The following PGBD1 variants were observed in gnomAD, a reference collection of about 807,000 sequenced individuals.
The protein encoded by PGBD1 is piggyBac transposable element derived 1.
In PGBD1, 25 loss-of-function variants were observed where a neutral mutation model predicts 34.7. That is an observed-to-expected ratio of 0.72 (90% CI 0.52 to 1.00). The LOEUF (loss-of-function observed/expected upper bound fraction) is 1.00. Ranked by LOEUF, PGBD1 falls within the 50% of genes least tolerant of loss-of-function variation. PGBD1 has a pLI of 0.00. For missense variants in PGBD1, 830 were observed against 959.4 expected (o/e 0.87, Z 1.78); for synonymous variants, 292 against 335.7 (o/e 0.87, Z 1.42).
chr6:28,297,959 A>G lies in PGBD1; in HGVS notation c.837A>G (p.Glu279=), dbSNP rs1448555984. Residue 279 remains glutamate, a synonymous_variant, in exon 6 of 7, where the codon GAA becomes GAG. Transcript: ENST00000682144. ...AGCAAGAAACTTCTGAAGAAATGGA[A>G]CAAAGTGGAGAAGCCTCAGGAAAGC... ...KAKQETSEEM[E]QSGEASGKPN... The G allele has an allele frequency of 6.2e-7, 1 of 1,611,726 alleles. No homozygotes were observed.
intron 4 of PGBD1, among the ~76,000 whole-genome samples, chr6:28,296,248 G>T (rs1762626882): frequency 6.6e-6 from 1 of 152,150 alleles, no homozygotes; most frequent in African/African-American, 2.4e-5. Context: ...CTGTTAAAAG[G>T]AGTCTCAAAA....
At chr6:28,285,348 G>A (rs1436636146) in intron 2 of PGBD1, among the ~76,000 whole-genome samples, 3 of 152,146 alleles carry the variant, frequency 2.0e-5, no homozygotes. Context: ...TTGAGGTGGT[G>A]TACATATCCT....
intron 4 of PGBD1, among the ~76,000 whole-genome samples, 172 bp from the exon 5 acceptor site, chr6:28,296,644 G>T (rs1286862803): frequency 6.6e-6 from 1 of 152,190 alleles, no homozygotes; most frequent in Admixed American, 6.5e-5. Flanking sequence ...AATGGCATCG[G>T]CTTGAGGTGG....
chr6:28,293,021 C>T (rs1762511495), intron 4 of PGBD1, among the ~76,000 whole-genome samples: 1 of 152,168 alleles, frequency 6.6e-6, no homozygotes, highest in South Asian at 2.1e-4. Context: ...CAGCTCACTG[C>T]AACCTCTGGC....
In PGBD1 at chr6:28,300,842, TC is replaced by T. The variant is rs751515769; in HGVS notation, c.991del (p.Leu331TrpfsTer20). 34 of 1,613,846 alleles carry T rather than the reference TC, an allele frequency of 2.1e-5. No individual in the cohort carries two copies. The African/African-American group carries it at 4.5e-4, about 22-fold the overall frequency. On this transcript the variant is annotated frameshift_variant, in exon 7 of 7. Transcript: ENST00000682144. LOFTEE classifies it low-confidence loss of function (END_TRUNC). This position sits in a 1 kb window ranked among gnomAD's most constrained non-coding sequence, Gnocchi z 4.0. The part of the protein sequence containing the change: ...GDLWARMHIS[S>X]LEYAAGDITR... ...TTTGTGGGCCCGCATGCACATCTCA[TC>T]CCTGGAATATGCTGCAGGAGACATT... is the stretch of plus-strand genomic sequence containing the variant.
chr6:28,281,593 G>A lies in PGBD1; in HGVS notation c.-364G>A, dbSNP rs1412029577. 1 of 386,238 alleles carries A rather than the reference G, an allele frequency of 2.6e-6. No individual in the cohort carries two copies. Among genetic ancestry groups the A allele is most frequent in the Non-Finnish European group, 4.6e-6 (1 of 218,964 alleles). The allele number at this position is 386,238 out of a possible 1,614,324, so 23.9% of individuals were successfully genotyped here. ...TTTTGTACCCGCCCAGCTGCTGGAG[G>A]CGCCGGCAGCGCCCGCCAGACCCGC... On this transcript the variant is annotated 5_prime_UTR_variant, in exon 1 of 7. Transcript: ENST00000682144.
At chr6:28,287,806 A>G (rs1419782833) in intron 4 of PGBD1, among the ~76,000 whole-genome samples, 2 of 152,194 alleles carry the variant, frequency 1.3e-5, no homozygotes, top group African/African-American at 2.4e-5. Context: ...TTTTAATTCT[A>G]TCAGACCCAG....
chr6:28,288,568 A>C (rs1027243838), intron 4 of PGBD1, among the ~76,000 whole-genome samples: 2 of 152,184 alleles, frequency 1.3e-5, no homozygotes, highest in African/African-American at 2.4e-5. Context: ...CAAAGAAATA[A>C]CAATAGGCCG....
chr6:28,301,225 G>A lies in PGBD1; in HGVS notation c.1371G>A (p.Met457Ile), dbSNP rs1762828722. ...NVSLEVTVQEMRCVFGVLLLS... is the reference protein window; with the variant it reads ...NVSLEVTVQEIRCVFGVLLLS... ...GCTTGGAAGTCACAGTTCAGGAAAT[G>A]AGGTGTGTGTTTGGTGTCTTACTTT... Residue 457 changes from methionine (M) to isoleucine (I), a missense_variant, in exon 7 of 7, where the codon ATG (methionine) becomes ATA (isoleucine). By Grantham distance (10) the Met-to-Ile change is conservative (BLOSUM62 1). Around this residue, in one of 3 missense-constraint regions of PGBD1, gnomAD observed 372 missense variants for 427.9 expected, o/e 0.87. Coordinates refer to ENST00000682144, the MANE Select transcript of PGBD1 (RefSeq NM_032507.4). 1.9e-6 allele frequency: 3 copies of A among 1,614,186 alleles called. No homozygotes were observed. The East Asian group carries it at 6.7e-5, about 36-fold the overall frequency.
intron 4 of PGBD1, among the ~76,000 whole-genome samples, chr6:28,293,185 C>T (rs1762520629): frequency 6.6e-6 from 1 of 152,166 alleles, no homozygotes; most frequent in African/African-American, 2.4e-5. Context: ...TAGTGATGTG[C>T]CCACCTTGGC....
intron 4 of PGBD1, among the ~76,000 whole-genome samples, chr6:28,288,650 G>A (rs924333411): frequency 4.6e-5 from 7 of 152,056 alleles, no homozygotes; most frequent in African/African-American, 1.7e-4. Flanking sequence ...GAGGCCAGGA[G>A]TTTGAGACCA....
At chr6:28,293,032 T>C (rs1183845262) in intron 4 of PGBD1, among the ~76,000 whole-genome samples, 1 of 152,206 alleles carries the variant, frequency 6.6e-6, no homozygotes, top group Non-Finnish European at 1.5e-5. Flanking sequence ...AACCTCTGGC[T>C]CCCTGGTTCA....
At chr6:28,286,842 C>T (rs1487283587) in intron 3 of PGBD1, among the ~76,000 whole-genome samples, 1 of 151,990 alleles carries the variant, frequency 6.6e-6, no homozygotes. Context: ...TGTAAAGCAC[C>T]TTATGAGTTC....
chr6:28,285,849 C>A, intron 3 of PGBD1, 142 bp downstream of exon 3: 1 of 836,938 alleles, frequency 1.2e-6, no homozygotes, highest in Non-Finnish European at 1.8e-6. Context: ...TTTTATGTGT[C>A]TGTGGTAAGA....
chr6:28,298,316 C>G (rs1409661019), intron 6 of PGBD1, among the ~76,000 whole-genome samples: 2 of 151,970 alleles, frequency 1.3e-5, no homozygotes, highest in Admixed American at 6.6e-5. Flanking sequence ...GATAATTTAA[C>G]AAGAATGAGG....
Position 28,283,886 on chromosome 6 carries a change from A to G in PGBD1, c.73A>G (p.Thr25Ala), listed in dbSNP as rs114108814. The stretch of plus-strand genomic sequence containing the variant: ...TGTGAAAGTGAAGGAGGAAGATCCC[A>G]CCTGGGAGCAGGTGTGCAACTCACA... ...GLVKVKEEDP[T>A]WEQVCNSQEG... The change falls in exon 2 of 7, where the codon ACC becomes GCC. Residue 25 changes from threonine (T) to alanine (A), a missense_variant. By Grantham distance (58) the Thr-to-Ala change is moderately conservative (BLOSUM62 0). Transcript: ENST00000682144. 4.5e-4 allele frequency: 726 copies of G among 1,613,384 alleles called. 7 individuals are homozygous for G. The African/African-American group carries it at 8.9e-3, about 20-fold the overall frequency.
chr6:28,300,980 G>C lies in PGBD1; in HGVS notation c.1126G>C (p.Ala376Pro). 1 of 1,614,128 alleles carries C rather than the reference G, an allele frequency of 6.2e-7. No homozygotes were observed. The highest frequency in any genetic ancestry group is 8.5e-7 in the Non-Finnish European group (1 of 1,180,034). Reference protein sequence around the residue: ...EKDNEPEIQPAQKKLKVSCFP... With the variant: ...EKDNEPEIQPPQKKLKVSCFP... ...AGATAATGAGCCTGAGATCCAGCCT[G>C]CTCAAAAGAAGTTAAAGGTATCATG... The change falls in exon 7 of 7, where the codon GCT (alanine) becomes CCT (proline). Residue 376 changes from alanine (A) to proline (P), a missense_variant. Ala to Pro is a conservative substitution (Grantham distance 27). Coordinates refer to ENST00000682144, the MANE Select transcript of PGBD1 (RefSeq NM_032507.4). This position sits in a 1 kb window ranked among gnomAD's most constrained non-coding sequence, Gnocchi z 4.0.
chr6:28,287,209 T>C, intron 4 of PGBD1, 41 bp downstream of exon 4: 1 of 1,486,934 alleles, frequency 6.7e-7, no homozygotes, highest in African/African-American at 1.4e-5. Context: ...TCAGTAGTGG[T>C]CTTTCTCCCT....
rs1762876613 is a variant in PGBD1 at position 28,302,416 on chromosome 6, A to G, written c.*132A>G. 1.0e-6 allele frequency: 1 copy of G among 953,992 alleles called. No individual in the cohort carries two copies. Among genetic ancestry groups the G allele is most frequent in the East Asian group, 2.7e-5 (1 of 37,296 alleles). The allele number at this position is 953,992 out of a possible 1,614,324, so 59.1% of individuals were successfully genotyped here. ...ATTAAATAATACTTTTAAAAATCAG[A>G]CATTTATATAGAGTTTCAAAGACTA... On this transcript the variant is annotated 3_prime_UTR_variant, in exon 7 of 7. Transcript: ENST00000682144.
Sources: allele counts gnomAD v4.1 joint callset (sites outside exome capture counted in the v4.1 genomes callset), GRCh38; gene constraint gnomAD v4.1.1; regional missense constraint gnomAD v4.1.1; non-coding constraint Gnocchi (gnomAD v3.1); transcripts MANE v1.5; gene names NCBI Gene and HGNC (gene_info 2026-07-23, HGNC 2026-07-21).